KEL: variants seen among roughly 807,000 people sequenced by gnomAD.
KEL encodes kell blood group glycoprotein.
A neutral mutation model predicts 99.5 loss-of-function variants in KEL; 96 were observed. The ratio of observed to expected loss-of-function variants is 0.97; its 90% CI spans 0.82 to 1.14. KEL has a LOEUF of 1.14. KEL is among the 50% of genes most tolerant of loss of function. The pLI is 0.00. For missense variants in KEL, 926 were observed against 924.2 expected, an observed-to-expected ratio of 1.00 and a Z score of -0.03; for synonymous variants, 355 against 354.8, an observed-to-expected ratio of 1.00 and a Z score of -0.01.
Position 142,952,561 on chromosome 7 carries a change from GC to G in KEL, c.1150del (p.Ala384HisfsTer12). 1 of 1,614,126 alleles carries G rather than the reference GC, an allele frequency of 6.2e-7. No individual in the cohort carries two copies. Among genetic ancestry groups the G allele is most frequent in the Non-Finnish European group, 8.5e-7 (1 of 1,180,024 alleles). ...SPALDSQFQE[A>X]RRKLSQKLRE... ...CAGTTTCTGGCTGAGCTTTCTGCGT[GC>G]CTCCTGGAATTGACTGTCCAGGGCT... On this transcript the variant is annotated frameshift_variant, in exon 10 of 19. Coordinates refer to ENST00000355265, the MANE Select transcript of KEL (RefSeq NM_000420.3). LOFTEE classifies it high-confidence loss of function.
chr7:142,950,102 G>A (rs1297590241), intron 10 of KEL, among the ~76,000 whole-genome samples: 1 of 152,164 alleles, frequency 6.6e-6, no homozygotes, highest in Non-Finnish European at 1.5e-5. Context: ...CAAACTCTAG[G>A]TGATGTCTTT....
chr7:142,954,567 C>G (rs376293740), intron 6 of KEL, 40 bp from the exon 7 acceptor site: 38 of 1,592,606 alleles, frequency 2.4e-5, no homozygotes, highest in Non-Finnish European at 3.1e-5. Context: ...GGGAGCATGG[C>G]GGATGGAGAG....
At chr7:142,942,723 G>A in intron 17 of KEL, 152 bp downstream of exon 17, 1 of 1,015,894 alleles carries the variant, frequency 9.8e-7, no homozygotes, top group South Asian at 1.3e-5. Flanking sequence ...GGGGTAGGAG[G>A]GGGATCCCCA....
chr7:142,954,269 G>T lies in KEL; in HGVS notation c.839C>A (p.Ser280Ter), dbSNP rs1353419722. The T allele has an allele frequency of 6.2e-7, 1 of 1,614,112 alleles. No individual in the cohort carries two copies. Among genetic ancestry groups the T allele is most frequent in the Admixed American group, 1.7e-5 (1 of 60,024 alleles). The stretch of plus-strand genomic sequence containing the variant: ...GGGCCTCAGAAACTGGAACAGCCGT[G>T]AAGTGATGGAGATTGACAAGGAAGA... ...EHSSLSISIT[S>*]RLFQFLRPLE... Residue 280 changes from serine (S) to a stop codon, truncating the protein, a stop_gained, in exon 8 of 19, where the codon TCA becomes TAA. Coordinates refer to ENST00000355265, the MANE Select transcript of KEL (RefSeq NM_000420.3). LOFTEE classifies it high-confidence loss of function.
chr7:142,953,394 C>G, intron 9 of KEL: 1 of 984,968 alleles, frequency 1.0e-6, no homozygotes, highest in Non-Finnish European at 1.2e-6. Flanking sequence ...CCATGTTCAT[C>G]TCCTCATCTC....
At position 142,961,778 on chromosome 7, in the gene KEL, G is replaced by C. The variant is rs1489078488; in HGVS notation, c.81+17C>G. Reference sequence around the variant, plus strand: ...CAACATCAGTGTATTCCAGACCCAGGAGAGGAGGCCACTTACCTCTTGGCT... The same window carrying C: ...CAACATCAGTGTATTCCAGACCCAGCAGAGGAGGCCACTTACCTCTTGGCT... On this transcript the variant is annotated intron_variant, in intron 2 of 18. Coordinates refer to ENST00000355265, the MANE Select transcript of KEL (RefSeq NM_000420.3). The C allele has an allele frequency of 6.2e-7, 1 of 1,606,038 alleles. No individual in the cohort carries two copies. The highest frequency in any genetic ancestry group is 1.3e-5 in the African/African-American group (1 of 74,736).
At chr7:142,962,034 C>A (rs1562966144) in intron 1 of KEL, 162 bp from the exon 2 acceptor site, 2 of 1,609,804 alleles carry the variant, frequency 1.2e-6, no homozygotes, top group Non-Finnish European at 1.7e-6. Flanking sequence ...TCAGAACGAA[C>A]CTGTCCCCTG....
In KEL at chr7:142,958,370, G is replaced by A. The variant is rs1277247199; in HGVS notation, c.459C>T (p.Asn153=). Residue 153 remains asparagine, a synonymous_variant, in exon 5 of 19, where the codon AAC becomes AAT. Coordinates refer to ENST00000355265, the MANE Select transcript of KEL (RefSeq NM_000420.3). ...SGEEKAFQFY[N]SCMDTLAIEA... is the part of the protein sequence containing the mutation. ...CAATGGCAAGTGTATCCATGCAGGAGTTGTAGAACTGGAAGGCTTTCTCCT... is the reference window on the plus strand; with the variant it reads ...CAATGGCAAGTGTATCCATGCAGGAATTGTAGAACTGGAAGGCTTTCTCCT... 1 of 1,614,162 alleles carries A rather than the reference G, an allele frequency of 6.2e-7. No individual in the cohort carries two copies.
intron 18 of KEL, chr7:142,942,157 A>C: frequency 1.9e-6 from 1 of 525,710 alleles, no homozygotes. Context: ...GAGAGGAAAA[A>C]AAAGTTGGTC....
Position 142,952,602 on chromosome 7 carries a change from C to T in KEL, c.1110G>A (p.Val370=), listed in dbSNP as rs764161938. 2 of 1,614,078 alleles carry T rather than the reference C, an allele frequency of 1.2e-6. No individual in the cohort carries two copies. The highest frequency in any genetic ancestry group is 3.3e-5 in the Admixed American group (2 of 60,018). Residue 370 remains valine, a synonymous_variant, in exon 10 of 19, where the codon GTG becomes GTA. Coordinates refer to ENST00000355265, the MANE Select transcript of KEL (RefSeq NM_000420.3). ...FLQSHMILGL[V]VTLSPALDSQ... is the part of the protein sequence containing the mutation. ...TGTCCAGGGCTGGAGAAAGGGTCACCACCAGCCCTAAGATCATGTGGCTCT... is the reference window on the plus strand; with the variant it reads ...TGTCCAGGGCTGGAGAAAGGGTCACTACCAGCCCTAAGATCATGTGGCTCT...
intron 4 of KEL, 39 bp downstream of exon 4, chr7:142,960,889 C>G: frequency 6.2e-7 from 1 of 1,600,996 alleles, no homozygotes; most frequent in Non-Finnish European, 8.6e-7. Flanking sequence ...CACAGAGTCA[C>G]CCACTTGCAC....
intron 6 of KEL, among the ~76,000 whole-genome samples, chr7:142,955,767 G>A (rs1054191733): frequency 3.9e-5 from 6 of 151,968 alleles, no homozygotes. Context: ...TGACCCTTTT[G>A]CTACATTGTA....
intron 5 of KEL, 48 bp from the exon 6 acceptor site, chr7:142,958,021 TC>T: frequency 6.3e-7 from 1 of 1,597,300 alleles, no homozygotes; most frequent in Non-Finnish European, 8.5e-7. Flanking sequence ...GTGGAGCCCA[TC>T]CCCCATTGTC....
chr7:142,957,841 T>C lies in KEL; in HGVS notation c.658A>G (p.Thr220Ala), dbSNP rs936839735. The change falls in exon 6 of 19, where the codon ACA (threonine) becomes GCA (alanine). Residue 220 changes from threonine to alanine, a missense_variant. Physicochemically the swap from Thr to Ala is moderately conservative, Grantham distance 58. Transcript: ENST00000355265. ...GCATCCCTCACCTGGATGACTGGTG[T>C]GTGTGGAGAGGCAGGATGAGGTCCT... ...YLGPHPASPHTPVIQIDQPEF... is the reference protein window; with the variant it reads ...YLGPHPASPHAPVIQIDQPEF... 1.5e-5 allele frequency: 25 copies of C among 1,613,886 alleles called. No homozygotes were observed. The highest frequency in any genetic ancestry group is 4.0e-5 in the African/African-American group (3 of 74,876).
At chr7:142,944,797 G>GC in intron 11 of KEL, 56 bp from the exon 12 acceptor site, 1 of 1,372,986 alleles carries the variant, frequency 7.3e-7, no homozygotes, top group Non-Finnish European at 1.0e-6. Context: ...CCTCAGCCTG[G>GC]CCCTGCCCAC....
intron 15 of KEL, 24 bp from the exon 16 acceptor site, chr7:142,943,367 AC>A: frequency 6.2e-7 from 1 of 1,613,440 alleles, no homozygotes. Context: ...GGCTTATTTG[AC>A]CCCCAGAATC....
intron 10 of KEL, among the ~76,000 whole-genome samples, chr7:142,947,612 G>A (rs964421267): frequency 2.0e-5 from 3 of 152,176 alleles, no homozygotes; most frequent in Admixed American, 2.0e-4. Context: ...GTGCAGTGGT[G>A]CAATCTCGGC....
Position 142,943,807 on chromosome 7 carries a change from A to C in KEL, c.1568T>G (p.Phe523Cys). The C allele has an allele frequency of 1.2e-6, 2 of 1,614,144 alleles. No homozygotes were observed. The highest frequency in any genetic ancestry group is 1.7e-6 in the Non-Finnish European group (2 of 1,180,008). The change falls in exon 14 of 19, where the codon TTC becomes TGC. Residue 523 changes from phenylalanine to cysteine, a missense_variant. By Grantham distance (205) the Phe-to-Cys change is radical. Coordinates refer to ENST00000355265, the MANE Select transcript of KEL (RefSeq NM_000420.3). ...CCTGTGTTGGGGGTGAGGCTGCAAG[A>C]AGCTCTGGACAATTCTAGCTCGGAG... ...RSLRARIVQS[F>C]LQPHPQHRWK...
intron 10 of KEL, 60 bp from the exon 11 acceptor site, chr7:142,946,377 C>T: frequency 7.6e-7 from 1 of 1,318,982 alleles, no homozygotes; most frequent in Non-Finnish European, 1.1e-6. Context: ...CATCTGTCTC[C>T]CCAGTCTTCA....
Sources: allele counts gnomAD v4.1 joint callset (sites outside exome capture counted in the v4.1 genomes callset), GRCh38; gene constraint gnomAD v4.1.1; transcripts MANE v1.5; gene names NCBI Gene and HGNC (gene_info 2026-07-23, HGNC 2026-07-21).